Variants in PCDHGB3 observed in about 807,000 individuals in gnomAD.
PCDHGB3 encodes protocadherin gamma subfamily B, 3.
PCDHGB3 carries 40 observed loss-of-function variants against 59.2 expected under a neutral mutation model. The observed-to-expected ratio is 0.68, with a 90% CI of 0.52 to 0.88. The LOEUF (loss-of-function observed/expected upper bound fraction) is 0.88, where lower values mean the gene tolerates loss of function less well. Ranked by LOEUF, PCDHGB3 falls within the 40% of genes least tolerant of loss-of-function variation. The pLI is 0.00. For synonymous variants in PCDHGB3, 581 were observed against 503.6 expected (o/e 1.15, Z -2.06); for missense variants, 1,309 against 1,187.9 (o/e 1.10, Z -1.50).
intron 1 of PCDHGB3, chr5:141,374,252 CAGG>C: frequency 6.2e-7 from 1 of 1,613,982 alleles, no homozygotes; most frequent in South Asian, 1.1e-5. Context: ...ACTGGAGCCC[CAGG>C]AGTTGGCGGA....
chr5:141,419,206 G>T, intron 1 of PCDHGB3: 1 of 1,613,876 alleles, frequency 6.2e-7, no homozygotes, highest in Non-Finnish European at 8.5e-7. Flanking sequence ...ATGACAACGC[G>T]CCGGTTTTCG....
chr5:141,508,269 C>G (rs1459186158), intron 3 of PCDHGB3: 1 of 152,186 alleles, frequency 6.6e-6, no homozygotes, highest in Non-Finnish European at 1.5e-5. Flanking sequence ...GAGAAAATCC[C>G]GGTCCTTGAC....
At chr5:141,421,894 C>T (rs764642401) in intron 1 of PCDHGB3, 6 of 1,613,586 alleles carry the variant, frequency 3.7e-6, no homozygotes, top group Non-Finnish European at 4.2e-6. Flanking sequence ...CGATCCCATC[C>T]GAAAGGGCGC....
chr5:141,428,025 G>C, intron 1 of PCDHGB3: 1 of 1,606,426 alleles, frequency 6.2e-7, no homozygotes, highest in Non-Finnish European at 8.5e-7. Flanking sequence ...ACGCGCCGCA[G>C]AGTCCGGCTA....
chr5:141,415,177 G>C, intron 1 of PCDHGB3: 3 of 1,613,926 alleles, frequency 1.9e-6, no homozygotes, highest in Non-Finnish European at 2.5e-6. Context: ...CACCGTGGCC[G>C]TGGCCGACAG....
At chr5:141,443,498 C>G (rs1217918256) in intron 1 of PCDHGB3, among the ~76,000 whole-genome samples, 3 of 152,036 alleles carry the variant, frequency 2.0e-5, no homozygotes, top group Non-Finnish European at 4.4e-5. Context: ...AACAAACAAA[C>G]AAATAAAGAG....
rs759819103 is a variant in PCDHGB3, at chr5:141,398,546, T to A, written c.2415+25737T>A. On this transcript the variant is annotated intron_variant, in intron 1 of 3. Transcript: ENST00000576222. ...AAATTCACGCAAAATTCCTTTGAGC[T>A]GCAAATAAGTGAGTCTGCACAGCCT... 3.1e-6 allele frequency: 5 copies of A among 1,613,902 alleles called. No homozygotes were observed. The East Asian group carries it at 1.1e-4, about 36-fold the overall frequency.
At chr5:141,389,390 C>A (rs759786018) in intron 1 of PCDHGB3, 1 of 1,613,718 alleles carries the variant, frequency 6.2e-7, no homozygotes, top group Non-Finnish European at 8.5e-7. Context: ...TGTCATCCTA[C>A]GTGTCCATAA....
At chr5:141,422,058 A>G (rs1015726657) in intron 1 of PCDHGB3, 3 of 1,611,890 alleles carry the variant, frequency 1.9e-6, no homozygotes, top group African/African-American at 2.7e-5. Flanking sequence ...TCAACGGGGA[A>G]GTAATGTATT....
At chr5:141,430,729 G>T in intron 1 of PCDHGB3, 1 of 1,499,360 alleles carries the variant, frequency 6.7e-7, no homozygotes, top group East Asian at 2.3e-5. Flanking sequence ...GTTAAGGGCA[G>T]AATTGAAAAT....
At chr5:141,388,062 G>A (rs1237358865) in intron 1 of PCDHGB3, 1 of 1,380,416 alleles carries the variant, frequency 7.2e-7, no homozygotes, top group African/African-American at 1.5e-5. Flanking sequence ...CAGCGTCCAG[G>A]AGTTACCGAC....
At chr5:141,479,048 C>A (rs1253895615) in intron 1 of PCDHGB3, among the ~76,000 whole-genome samples, 1 of 152,150 alleles carries the variant, frequency 6.6e-6, no homozygotes, top group Admixed American at 6.5e-5. Flanking sequence ...GTACCTCATT[C>A]TCAGATAATT....
chr5:141,404,628 C>T (rs1183309479), intron 1 of PCDHGB3: 2 of 1,614,100 alleles, frequency 1.2e-6, no homozygotes, highest in Non-Finnish European at 1.7e-6. Flanking sequence ...AATGACAATG[C>T]CCCAGAAATC....
intron 1 of PCDHGB3, chr5:141,419,302 C>A: frequency 6.2e-7 from 1 of 1,614,024 alleles, no homozygotes; most frequent in Non-Finnish European, 8.5e-7. Flanking sequence ...ACCCAGACTT[C>A]GGGCTCAACG....
At chr5:141,427,825 C>T (rs1342117815) in intron 1 of PCDHGB3, 2 of 1,536,464 alleles carry the variant, frequency 1.3e-6, no homozygotes, top group Non-Finnish European at 1.8e-6. Flanking sequence ...GTGGTGGTCG[C>T]GCAGCGTGCC....
Position 141,491,627 on chromosome 5 carries a change from A to C in PCDHGB3, c.2416-3180A>C. On this transcript the variant is annotated intron_variant, in intron 1 of 3. Transcript: ENST00000576222. The surrounding 1 kb of genome is among the most constrained non-coding windows in gnomAD (Gnocchi z 6.9). ...ACTTTTCTAAGACCCCTCAGCGTTC[A>C]GCAGCCCACAGCTCTGGCGCTGGAG... 6.2e-7 allele frequency: 1 copy of C among 1,613,924 alleles called. No homozygotes were observed. The highest frequency in any genetic ancestry group is 8.5e-7 in the Non-Finnish European group (1 of 1,180,026).
intron 2 of PCDHGB3, 47 bp from the exon 3 acceptor site, chr5:141,505,346 C>G: frequency 4.3e-6 from 7 of 1,612,970 alleles, no homozygotes; most frequent in Non-Finnish European, 5.9e-6. Context: ...GGGGCATGAG[C>G]TGTGCCGGCC....
rs759346998 is a variant in PCDHGB3, at chr5:141,410,849, CTTTTTTTTTT to C, written c.2415+38053_2415+38062del. Reference sequence around the variant, plus strand: ...CAGACTGAAGATATTTTGTCTTTGTCTTTTTTTTTTTTTTTTTTTTTTGAGATGGAGTCTC... The same window carrying C: ...CAGACTGAAGATATTTTGTCTTTGTCTTTTTTTTTTTTGAGATGGAGTCTC... On this transcript the variant is annotated intron_variant, in intron 1 of 3. Coordinates refer to ENST00000576222, the MANE Select transcript of PCDHGB3 (RefSeq NM_018924.5). 8 of 138,182 alleles carry C rather than the reference CTTTTTTTTTT, an allele frequency of 5.8e-5. 2 individuals are homozygous for C. The highest frequency in any genetic ancestry group is 7.3e-5 in the Non-Finnish European group (6 of 82,424). 8.6% of individuals were successfully genotyped at this position (138,182 alleles called of 1,614,324 possible). A position where few individuals can be genotyped will look rare whatever the true frequency, so the allele number is the denominator to read the frequency against.
At chr5:141,453,379 C>T (rs980792532) in intron 1 of PCDHGB3, among the ~76,000 whole-genome samples, 1 of 152,050 alleles carries the variant, frequency 6.6e-6, no homozygotes, top group Non-Finnish European at 1.5e-5. Context: ...AGTGATCCTC[C>T]TGCCTTAGCC....
Sources: gnomAD v4.1 joint callset for allele counts (sites outside exome capture counted in the v4.1 genomes callset) on GRCh38, gnomAD v4.1.1 for gene constraint, Gnocchi (gnomAD v3.1) non-coding constraint, MANE v1.5 for transcripts, NCBI Gene and HGNC (gene_info 2026-07-23, HGNC 2026-07-21) for gene names.